The following CD9 variants were observed in gnomAD, a reference collection of about 807,000 sequenced individuals.
CD9 encodes CD9 molecule, also known as CD9 antigen.
CD9 carries 10 observed loss-of-function variants against 31.4 expected under a neutral mutation model. That is an observed-to-expected ratio of 0.32 (90% confidence interval 0.20 to 0.54). The LOEUF (loss-of-function observed/expected upper bound fraction) is 0.54. Ranked by LOEUF, CD9 falls within the 20% of genes least tolerant of loss-of-function variation. The probability of loss-of-function intolerance (pLI) is 0.94; values close to 1 mark genes in which losing one functional copy is unlikely to be tolerated. For missense variants in CD9, 259 were observed against 300.1 expected (o/e 0.86, Z 1.01); for synonymous variants, 113 against 114.1 (o/e 0.99, Z 0.06).
intron 6 of CD9, 54 bp downstream of exon 6, chr12:6,235,619 C>T (rs750189436): frequency 9.9e-5 from 152 of 1,539,978 alleles, no homozygotes; most frequent in Non-Finnish European, 1.2e-4. Context: ...TGGACAAACC[C>T]TGCAAGCATG....
chr12:6,205,930 T>C (rs1185622011), intron 1 of CD9: 4 of 152,152 alleles, frequency 2.6e-5, no homozygotes, highest in African/African-American at 9.7e-5. Flanking sequence ...AAGCTGCATG[T>C]TTATGTTTTG....
intron 1 of CD9, among the ~76,000 whole-genome samples, chr12:6,215,935 G>A (rs934620848): frequency 1.3e-5 from 2 of 152,242 alleles, no homozygotes; most frequent in African/African-American, 4.8e-5. Flanking sequence ...AGCTGGATAA[G>A]GGAGCACCCC....
chr12:6,200,342 C>T (rs927015766), upstream of CD9: 1 of 426,080 alleles, frequency 2.3e-6, no homozygotes. Context: ...CGCACCGCAG[C>T]GGGTCGCGCG....
chr12:6,213,249 A>G (rs959928806), intron 1 of CD9, among the ~76,000 whole-genome samples: 3 of 152,138 alleles, frequency 2.0e-5, no homozygotes, highest in South Asian at 2.1e-4. Context: ...ACATTCATCC[A>G]TATCTTCTCA....
At chr12:6,224,810 C>A (rs1487144412) in intron 1 of CD9, among the ~76,000 whole-genome samples, 1 of 152,144 alleles carries the variant, frequency 6.6e-6, no homozygotes, top group African/African-American at 2.4e-5. Flanking sequence ...ATTTACTGAG[C>A]AGCAGGTCTC....
chr12:6,237,956 A>C lies in CD9; in HGVS notation c.*128A>C. Reference sequence around the variant, plus strand: ...CCACTAATTTTAGTATTCATTCTGCATTGCTAGATAAAAGCTGAAGTTACT... The same window carrying C: ...CCACTAATTTTAGTATTCATTCTGCCTTGCTAGATAAAAGCTGAAGTTACT... On this transcript the variant is annotated 3_prime_UTR_variant, in exon 8 of 8. Transcript: ENST00000009180. 1.6e-6 allele frequency: 1 copy of C among 625,614 alleles called. No individual in the cohort carries two copies. The highest frequency in any genetic ancestry group is 2.9e-6 in the Non-Finnish European group (1 of 348,610). The allele number at this position is 625,614 out of a possible 1,614,324, so 38.8% of individuals were successfully genotyped here.
intron 7 of CD9, among the ~76,000 whole-genome samples, chr12:6,237,281 T>C (rs1168785743): frequency 6.6e-6 from 1 of 151,856 alleles, no homozygotes; most frequent in South Asian, 2.1e-4. Context: ...AGCCAAGATA[T>C]AACAATACGT....
rs1331090091 is a variant in CD9, at chr12:6,237,598, C to T, written c.622-165C>T. ...TCACGTCCCGCACCCTTCTCATTAT[C>T]TGGCCTGCATCTCTCCTGCTTCAGC... On this transcript the variant is annotated intron_variant, in intron 7 of 7. Coordinates refer to ENST00000009180, the MANE Select transcript of CD9 (RefSeq NM_001769.4). 2.6e-5 allele frequency among the ~76,000 whole-genome samples: 4 copies of T among 152,236 alleles called. No individual in the cohort carries two copies. In the East Asian group the frequency reaches 5.8e-4, roughly 22 times the overall value.
chr12:6,220,341 A>T (rs1019914263), intron 1 of CD9, among the ~76,000 whole-genome samples: 5 of 152,180 alleles, frequency 3.3e-5, no homozygotes, highest in Non-Finnish European at 7.3e-5. Context: ...GGCAGGGTTC[A>T]GTGGTGTCAG....
At chr12:6,225,611 G>T in intron 2 of CD9, 77 bp downstream of exon 2, 1 of 890,192 alleles carries the variant, frequency 1.1e-6, no homozygotes, top group South Asian at 1.4e-5. Flanking sequence ...GCCCCATGTT[G>T]ACCCAGGGAC....
intron 1 of CD9, among the ~76,000 whole-genome samples, chr12:6,220,007 G>A (rs932396024): frequency 9.9e-5 from 15 of 152,220 alleles, no homozygotes; most frequent in African/African-American, 3.4e-4. Context: ...GAATGACTCA[G>A]AGGTCCCCTG....
At chr12:6,218,546 G>A (rs369796043) in intron 1 of CD9, among the ~76,000 whole-genome samples, 4 of 152,180 alleles carry the variant, frequency 2.6e-5, no homozygotes, top group African/African-American at 9.7e-5. Flanking sequence ...GGTTCTAACT[G>A]GAACTGGTTT....
At chr12:6,213,714 C>T (rs1237449122) in intron 1 of CD9, among the ~76,000 whole-genome samples, 2 of 152,112 alleles carry the variant, frequency 1.3e-5, no homozygotes, top group Non-Finnish European at 2.9e-5. Flanking sequence ...GTGTAGACAC[C>T]AGGGGTAGGA....
chr12:6,226,901 C>CT (rs1946374073), intron 2 of CD9, among the ~76,000 whole-genome samples: 1 of 152,166 alleles, frequency 6.6e-6, no homozygotes, highest in Non-Finnish European at 1.5e-5. Flanking sequence ...GGGGAAGACT[C>CT]TCCACACTCC....
At chr12:6,236,715 G>C (rs1335121494) in intron 7 of CD9, 2 of 380,112 alleles carry the variant, frequency 5.3e-6, no homozygotes, top group African/African-American at 4.1e-5. Context: ...TCAGCCCCTA[G>C]AAACCAACAA....
chr12:6,236,960 G>A (rs1946530752), intron 7 of CD9, among the ~76,000 whole-genome samples: 1 of 152,022 alleles, frequency 6.6e-6, no homozygotes, highest in African/African-American at 2.4e-5. Flanking sequence ...CAAAATATAC[G>A]ACAATACCTT....
At chr12:6,210,835 CTTT>C (rs143561091) in intron 1 of CD9, among the ~76,000 whole-genome samples, 179 of 130,876 alleles carry the variant, frequency 1.4e-3, no homozygotes, top group African/African-American at 2.0e-3. Context: ...AGTTGAGCAA[CTTT>C]TTTTTTTTTT....
rs542130343 is a variant in CD9 at position 6,235,249 on chromosome 12, G to A, written c.369G>A (p.Glu123=). 1.9e-4 allele frequency: 308 copies of A among 1,607,830 alleles called. 4 individuals carry two copies. The South Asian group carries it at 3.3e-3, about 17-fold the overall frequency. The part of the protein sequence containing the change: ...HKDEVIKEVQ[E]FYKDTYNKLK... Reference sequence around the variant, plus strand: ...TGTAGGTGATTAAGGAAGTCCAGGAGTTTTACAAGGACACCTACAACAAGC... The same window carrying A: ...TGTAGGTGATTAAGGAAGTCCAGGAATTTTACAAGGACACCTACAACAAGC... The change falls in exon 5 of 8, where the codon GAG becomes GAA. Residue 123 remains glutamate, a synonymous_variant. Transcript: ENST00000009180.
intron 1 of CD9, among the ~76,000 whole-genome samples, chr12:6,222,297 G>A (rs879256132): frequency 1.1e-4 from 16 of 152,204 alleles, no homozygotes; most frequent in Non-Finnish European, 1.8e-4. Context: ...AGAAAAGGCA[G>A]CAGGGTTCAC....
Sources: allele counts gnomAD v4.1 joint callset (sites outside exome capture counted in the v4.1 genomes callset), GRCh38; gene constraint gnomAD v4.1.1; transcripts MANE v1.5; gene names NCBI Gene and HGNC (gene_info 2026-07-23, HGNC 2026-07-21).